The following VCPIP1 variants were observed in gnomAD, a reference collection of about 807,000 sequenced individuals.
The protein encoded by VCPIP1 is deubiquitinating protein VCPIP1.
VCPIP1 carries 8 observed loss-of-function variants against 85.0 expected under a neutral mutation model. The ratio of observed to expected loss-of-function variants is 0.09; its 90% CI spans 0.06 to 0.17. The LOEUF (loss-of-function observed/expected upper bound fraction) is 0.17, where lower values mean the gene tolerates loss of function less well. Among genes scored for constraint, VCPIP1 ranks in the 10% least tolerant of loss-of-function variants. The pLI, the probability that VCPIP1 is intolerant of heterozygous loss-of-function variation, is 1.00. For missense variants in VCPIP1, 1,070 were observed against 1,486.3 expected, an observed-to-expected ratio of 0.72 and a Z score of 4.61; for synonymous variants, 543 against 544.5, an observed-to-expected ratio of 1.00 and a Z score of 0.04.
chr8:66,636,160 C>T (rs760033994), intron 2 of VCPIP1, among the ~76,000 whole-genome samples: 16 of 134,038 alleles, frequency 1.2e-4, no homozygotes, highest in East Asian at 4.9e-4. Flanking sequence ...ACCCAGGAGG[C>T]GGAGGTTGCA....
intron 2 of VCPIP1, among the ~76,000 whole-genome samples, chr8:66,648,678 C>T (rs1230954035): frequency 6.6e-6 from 1 of 152,072 alleles, no homozygotes; most frequent in African/African-American, 2.4e-5. Flanking sequence ...TCTCAGCCTC[C>T]CAAGTAGCTG....
intron 2 of VCPIP1, among the ~76,000 whole-genome samples, chr8:66,636,464 G>C (rs1219603449): frequency 1.3e-5 from 2 of 151,850 alleles, no homozygotes; most frequent in Admixed American, 6.6e-5. Context: ...AGATAAATAG[G>C]CCCGGCACAG....
Position 66,641,996 on chromosome 8 carries a change from C to G in VCPIP1, c.2798-6624G>C, listed in dbSNP as rs558834707. Among the ~76,000 whole-genome samples, 20 of 152,258 alleles carry G rather than the reference C, an allele frequency of 1.3e-4. No homozygotes were observed. In the South Asian group the frequency reaches 3.7e-3, roughly 28 times the overall value. ...GATCATATAGTAACTCTACATTTAA[C>G]CTTTTGAGGAACTGCCAAAGTTCCC... On this transcript the variant is annotated intron_variant, in intron 2 of 2. Transcript: ENST00000310421.
At chr8:66,659,214 T>G (rs1210093547) in intron 1 of VCPIP1, among the ~76,000 whole-genome samples, 1 of 151,928 alleles carries the variant, frequency 6.6e-6, no homozygotes, top group African/African-American at 2.4e-5. Flanking sequence ...TTTTTTTTTT[T>G]TGGAAAGAGT....
chr8:66,661,921 AC>A (rs913334951), intron 1 of VCPIP1, among the ~76,000 whole-genome samples: 1 of 146,898 alleles, frequency 6.8e-6, no homozygotes, highest in African/African-American at 2.5e-5. Flanking sequence ...CTGCCACCAC[AC>A]CCGGCTTATT....
chr8:66,644,069 G>T (rs1399410311), intron 2 of VCPIP1, among the ~76,000 whole-genome samples: 1 of 151,910 alleles, frequency 6.6e-6, no homozygotes, highest in Non-Finnish European at 1.5e-5. Context: ...TACTCAAGAA[G>T]AAACAGATAA....
intron 2 of VCPIP1, among the ~76,000 whole-genome samples, chr8:66,646,691 G>A (rs998751124): frequency 6.6e-6 from 1 of 152,074 alleles, no homozygotes; most frequent in Non-Finnish European, 1.5e-5. Context: ...AGCTACTCAG[G>A]AAGCTGAGGC....
intron 2 of VCPIP1, among the ~76,000 whole-genome samples, chr8:66,647,323 A>C (rs1259219171): frequency 6.6e-6 from 1 of 152,134 alleles, no homozygotes; most frequent in East Asian, 1.9e-4. Context: ...CCTGGGCAAC[A>C]GAGTAAGACT....
intron 2 of VCPIP1, among the ~76,000 whole-genome samples, chr8:66,638,936 T>TTCTCTCTCTCTCTCTCTCTCTC (rs750894538): frequency 6.1e-5 from 8 of 131,662 alleles, no homozygotes; most frequent in Admixed American, 7.7e-5. Context: ...CAAGAAAACT[T>TTCTCTCTCTCTCTCTCTCTCTC]TCTCTCTCTC....
At chr8:66,652,042 T>C (rs923658279) in intron 1 of VCPIP1, among the ~76,000 whole-genome samples, 1 of 147,328 alleles carries the variant, frequency 6.8e-6, no homozygotes, top group East Asian at 2.0e-4. Flanking sequence ...CTGGACGTGG[T>C]GGCATGTGCC....
At chr8:66,636,309 A>T (rs1810886344) in intron 2 of VCPIP1, among the ~76,000 whole-genome samples, 1 of 151,320 alleles carries the variant, frequency 6.6e-6, no homozygotes, top group South Asian at 2.1e-4. Flanking sequence ...TTCCTTGGCT[A>T]TCCCTAGAAA....
intron 1 of VCPIP1, chr8:66,653,473 G>A (rs1289365923): frequency 2.0e-5 from 3 of 152,098 alleles, no homozygotes; most frequent in African/African-American, 4.8e-5. Context: ...AAACAGGGCT[G>A]GTCTAAAGGT....
chr8:66,638,537 T>A (rs1307646359), intron 2 of VCPIP1, among the ~76,000 whole-genome samples: 1 of 150,226 alleles, frequency 6.7e-6, no homozygotes, highest in Non-Finnish European at 1.5e-5. Context: ...CCCAGCACTT[T>A]GGGAGGCCAA....
intron 1 of VCPIP1, among the ~76,000 whole-genome samples, chr8:66,660,160 T>A (rs537882126): frequency 6.6e-6 from 1 of 152,228 alleles, no homozygotes; most frequent in Non-Finnish European, 1.5e-5. Flanking sequence ...ACACTCAACA[T>A]ACATACAAGT....
chr8:66,649,143 C>G (rs1189650431), intron 2 of VCPIP1, among the ~76,000 whole-genome samples: 1 of 151,914 alleles, frequency 6.6e-6, no homozygotes, highest in Admixed American at 6.6e-5. Flanking sequence ...GCACTCCAGC[C>G]TGGGCAACAG....
In VCPIP1 at chr8:66,664,959, T is replaced by C; in HGVS notation, c.2000A>G (p.Asn667Ser). 1 of 1,614,056 alleles carries C rather than the reference T, an allele frequency of 6.2e-7. No homozygotes were observed. Among genetic ancestry groups the C allele is most frequent in the Non-Finnish European group, 8.5e-7 (1 of 1,179,996 alleles). ...KKNPDDYTPVNIDGAHAQRVG... is the reference protein window; with the variant it reads ...KKNPDDYTPVSIDGAHAQRVG... The stretch of plus-strand genomic sequence containing the variant: ...TCTTTGGGCGTGAGCACCATCTATA[T>C]TTACAGGAGTATAATCATCGGGATT... The change falls in exon 1 of 3, where the codon AAT (asparagine) becomes AGT (serine). Residue 667 changes from asparagine (N) to serine (S), a missense_variant. Asn to Ser is a conservative substitution (Grantham distance 46). This residue lies in a region of VCPIP1 where 278 missense variants were observed against 298.5 expected (regional missense o/e 0.93). Transcript: ENST00000310421.
chr8:66,637,927 G>A (rs1427024784), intron 2 of VCPIP1, among the ~76,000 whole-genome samples: 11 of 152,182 alleles, frequency 7.2e-5, no homozygotes, highest in Admixed American at 2.6e-4. Flanking sequence ...AGCCAAGACC[G>A]TGCCATTGCA....
Position 66,667,121 on chromosome 8 carries a change from GTTGTTTCTCT to G in VCPIP1, c.-173_-164del. 7.2e-7 allele frequency: 1 copy of G among 1,386,332 alleles called. No homozygotes were observed. Among genetic ancestry groups the G allele is most frequent in the Non-Finnish European group, 9.4e-7 (1 of 1,067,514 alleles). 85.9% of individuals were successfully genotyped at this position (1,386,332 alleles called of 1,614,324 possible). ...CTAAGCGAAGGCGGAAGCGCCGGACGTTGTTTCTCTTCTTACTTCTCCACTGCCGTAGCCG... is the reference window on the plus strand; with the variant it reads ...CTAAGCGAAGGCGGAAGCGCCGGACGTCTTACTTCTCCACTGCCGTAGCCG... On this transcript the variant is annotated 5_prime_UTR_variant, in exon 1 of 3. Transcript: ENST00000310421.
In VCPIP1 at chr8:66,646,522, G is replaced by A. The variant is rs1223517889; in HGVS notation, c.2797+4936C>T. Among the ~76,000 whole-genome samples the A allele has an allele frequency of 4.6e-5, 7 of 152,076 alleles. No homozygotes were observed. In the East Asian group the frequency reaches 9.7e-4, roughly 21 times the overall value. On this transcript the variant is annotated intron_variant, in intron 2 of 2. Coordinates refer to ENST00000310421, the MANE Select transcript of VCPIP1 (RefSeq NM_025054.5). ...TAAAATTTATATGGATAGGCCAGGCGCGGTGGTTCACGCCTGTAATCCCAA... is the reference window on the plus strand; with the variant it reads ...TAAAATTTATATGGATAGGCCAGGCACGGTGGTTCACGCCTGTAATCCCAA...
Sources: allele counts gnomAD v4.1 joint callset (sites outside exome capture counted in the v4.1 genomes callset), GRCh38; gene constraint gnomAD v4.1.1; regional missense constraint gnomAD v4.1.1; transcripts MANE v1.5; gene names NCBI Gene and HGNC (gene_info 2026-07-23, HGNC 2026-07-21).